The following FNDC3B variants were observed in gnomAD, a reference collection of about 807,000 sequenced individuals.
The protein encoded by FNDC3B is fibronectin type III domain containing 3B, also known as fibronectin type III domain-containing protein 3B.
In FNDC3B, 12 loss-of-function variants were observed where a neutral mutation model predicts 151.5. The ratio of observed to expected loss-of-function variants is 0.08; its 90% CI spans 0.05 to 0.13. The LOEUF (loss-of-function observed/expected upper bound fraction) is 0.13. Among genes scored for constraint, FNDC3B ranks in the 10% least tolerant of loss-of-function variants. FNDC3B has a pLI of 1.00. For synonymous variants in FNDC3B, 528 were observed against 549.0 expected, an observed-to-expected ratio of 0.96 and a Z score of 0.54; for missense variants, 1,214 against 1,505.3, an observed-to-expected ratio of 0.81 and a Z score of 3.20.
chr3:172,226,219 C>T (rs1168732473), intron 3 of FNDC3B, among the ~76,000 whole-genome samples: 1 of 150,590 alleles, frequency 6.6e-6, no homozygotes, highest in African/African-American at 2.4e-5. Flanking sequence ...GCAGGATAAT[C>T]GCTTGAACCT....
chr3:172,123,326 C>A (rs1441624023), intron 2 of FNDC3B, among the ~76,000 whole-genome samples: 3 of 152,144 alleles, frequency 2.0e-5, no homozygotes, highest in African/African-American at 7.2e-5. Context: ...AGGTGTGACC[C>A]TCTGTGCCAG....
chr3:172,342,892 TAGTGTGTAACCCC>T (rs1733406687), intron 17 of FNDC3B, 106 bp from the exon 18 acceptor site: 4 of 642,508 alleles, frequency 6.2e-6, no homozygotes, highest in Non-Finnish European at 1.1e-5. Context: ...TGCACACATT[TAGTGTGTAACCCC>T]TTTTCGGTAA....
At chr3:172,045,786 C>CTATATA (rs1163697833) in intron 1 of FNDC3B, among the ~76,000 whole-genome samples, 1 of 139,272 alleles carries the variant, frequency 7.2e-6, no homozygotes, top group East Asian at 2.0e-4. Context: ...CTCTCTCTCT[C>CTATATA]TCTCTCTCTA....
At chr3:172,396,246 G>T (rs1296361802) in intron 25 of FNDC3B, among the ~76,000 whole-genome samples, 4 of 152,302 alleles carry the variant, frequency 2.6e-5, no homozygotes, top group East Asian at 1.9e-4. Flanking sequence ...GCACAAGGGA[G>T]TGTGTTCTGC....
intron 22 of FNDC3B, among the ~76,000 whole-genome samples, chr3:172,360,045 T>C (rs1236875312): frequency 6.6e-6 from 1 of 152,234 alleles, no homozygotes; most frequent in Admixed American, 6.5e-5. Context: ...CTGGGTCATG[T>C]AATAAGTATA....
intron 1 of FNDC3B, among the ~76,000 whole-genome samples, chr3:172,069,379 T>C (rs1277336330): frequency 6.6e-6 from 1 of 152,244 alleles, no homozygotes; most frequent in Non-Finnish European, 1.5e-5. Context: ...AAATGCTGCT[T>C]TTACGTGGCT....
At chr3:172,218,134 GAA>G (rs57576493) in intron 3 of FNDC3B, among the ~76,000 whole-genome samples, 389 of 62,712 alleles carry the variant, frequency 6.2e-3, no homozygotes, top group South Asian at 0.014. Flanking sequence ...CGACTTTCAG[GAA>G]AAAAAAAAAA....
chr3:172,315,661 G>A (rs1175103946), intron 11 of FNDC3B, among the ~76,000 whole-genome samples: 2 of 152,170 alleles, frequency 1.3e-5, no homozygotes, highest in Non-Finnish European at 1.5e-5. Context: ...TTGAACGTTA[G>A]ATGAGTCACA....
rs933241807 is a variant in FNDC3B, at chr3:172,251,437, A to G, written c.686A>G (p.His229Arg). 6 of 1,614,118 alleles carry G rather than the reference A, an allele frequency of 3.7e-6. No individual in the cohort carries two copies. Among genetic ancestry groups the G allele is most frequent in the South Asian group, 2.2e-5 (2 of 91,082 alleles). Residue 229 changes from histidine (H) to arginine (R), a missense_variant, in exon 6 of 26, where the codon CAT (histidine) becomes CGT (arginine). Transcript: ENST00000415807. ...GTATACAATGGCTATGGGAAGGGCC[A>G]TAGTGGTGGAAGTGGCGGAGGCGGC... ...TTVYNGYGKG[H>R]SGGSGGGGSG...
At chr3:172,280,151 G>C (rs1302335332) in intron 6 of FNDC3B, among the ~76,000 whole-genome samples, 1 of 152,196 alleles carries the variant, frequency 6.6e-6, no homozygotes, top group African/African-American at 2.4e-5. Context: ...CTGGGCTCAA[G>C]CTTTCTGCCC....
intron 9 of FNDC3B, among the ~76,000 whole-genome samples, chr3:172,303,486 T>A (rs964740436): frequency 6.6e-6 from 1 of 152,218 alleles, no homozygotes; most frequent in Non-Finnish European, 1.5e-5. Context: ...TAGAAAAAGT[T>A]GGAGGCATAC....
At chr3:172,388,491 C>T (rs1215463035) in intron 25 of FNDC3B, among the ~76,000 whole-genome samples, 1 of 151,982 alleles carries the variant, frequency 6.6e-6, no homozygotes, top group East Asian at 1.9e-4. Flanking sequence ...GGAGCCATGC[C>T]GTTTAAATTG....
intron 21 of FNDC3B, among the ~76,000 whole-genome samples, chr3:172,351,989 G>T (rs77968120): frequency 0.019 from 2,896 of 152,276 alleles, 100 homozygotes; most frequent in African/African-American, 0.066. Flanking sequence ...CATCCAAATT[G>T]GGGAGTAGGT....
In FNDC3B at chr3:172,344,377, C is replaced by T. The variant is rs550991236; in HGVS notation, c.2250+119C>T. 21 of 768,900 alleles carry T rather than the reference C, an allele frequency of 2.7e-5. No individual in the cohort carries two copies. The South Asian group carries it at 4.2e-4, about 15-fold the overall frequency. The allele number at this position is 768,900 out of a possible 1,614,324, so 47.6% of individuals were successfully genotyped here. Reference sequence around the variant, plus strand: ...GACAGTCTTGATGCAACCTTGACAACCATTAATGCAGTGTCTGTAAATCTT... The same window carrying T: ...GACAGTCTTGATGCAACCTTGACAATCATTAATGCAGTGTCTGTAAATCTT... On this transcript the variant is annotated intron_variant, in intron 19 of 25. Coordinates refer to ENST00000415807, the MANE Select transcript of FNDC3B (RefSeq NM_022763.4).
chr3:172,243,234 G>A (rs1727589044), intron 4 of FNDC3B, among the ~76,000 whole-genome samples: 1 of 152,104 alleles, frequency 6.6e-6, no homozygotes, highest in Admixed American at 6.5e-5. Flanking sequence ...TCCAACCTTT[G>A]CCTGTTACCC....
intron 7 of FNDC3B, among the ~76,000 whole-genome samples, chr3:172,290,290 A>G (rs1270455137): frequency 6.6e-6 from 1 of 152,220 alleles, no homozygotes; most frequent in Non-Finnish European, 1.5e-5. Context: ...AGACCCAGCT[A>G]CTGCAAAGGT....
chr3:172,286,433 C>CA (rs1181650150), intron 7 of FNDC3B, among the ~76,000 whole-genome samples: 1 of 151,850 alleles, frequency 6.6e-6, no homozygotes, highest in Admixed American at 6.6e-5. Flanking sequence ...AATGGCAAGA[C>CA]AAAAAAATGG....
rs28547959 is a variant in FNDC3B at position 172,063,695 on chromosome 3, G to A, written c.-29+23924G>A. On this transcript the variant is annotated intron_variant, in intron 1 of 25. Transcript: ENST00000415807. ...TCACATGATGTTTTGAGGGCAGCCTGAAAAAAATAGAGTCTCTAACAGAGG... is the reference window on the plus strand; with the variant it reads ...TCACATGATGTTTTGAGGGCAGCCTAAAAAAAATAGAGTCTCTAACAGAGG... 9.1e-4 allele frequency among the ~76,000 whole-genome samples: 138 copies of A among 152,184 alleles called. 2 individuals are homozygous for A. Among genetic ancestry groups the A allele is most frequent in the African/African-American group, 3.1e-3 (127 of 41,532 alleles).
At chr3:172,145,733 T>C (rs1218660000) in intron 3 of FNDC3B, among the ~76,000 whole-genome samples, 1 of 152,206 alleles carries the variant, frequency 6.6e-6, no homozygotes, top group Non-Finnish European at 1.5e-5. Flanking sequence ...AGAACTGAGC[T>C]TGTGTTCTGT....
Sources: gnomAD v4.1 joint callset for allele counts (sites outside exome capture counted in the v4.1 genomes callset) on GRCh38, gnomAD v4.1.1 for gene constraint, MANE v1.5 for transcripts, NCBI Gene and HGNC (gene_info 2026-07-23, HGNC 2026-07-21) for gene names.